The following LPCAT2 variants were observed in gnomAD, a reference collection of about 807,000 sequenced individuals.
LPCAT2 encodes the protein 1-AGP acyltransferase 11.
Under a neutral mutation model 64.7 loss-of-function variants are expected in LPCAT2, and 58 were observed. The observed-to-expected ratio is 0.90, with a 90% confidence interval of 0.73 to 1.12. LPCAT2 has a LOEUF of 1.12. LPCAT2 is among the 50% of genes most tolerant of loss of function. The pLI, the probability that LPCAT2 is intolerant of heterozygous loss-of-function variation, is 0.00. For synonymous variants in LPCAT2, 252 were observed against 245.3 expected, an observed-to-expected ratio of 1.03 and a Z score of -0.26; for missense variants, 579 against 669.8, an observed-to-expected ratio of 0.86 and a Z score of 1.50.
At chr16:55,551,687 T>C (rs1963519921) in intron 11 of LPCAT2, among the ~76,000 whole-genome samples, 1 of 152,214 alleles carries the variant, frequency 6.6e-6, no homozygotes, top group South Asian at 2.1e-4. Flanking sequence ...TTTAAGGACA[T>C]GCAATTAGAT....
Position 55,574,659 on chromosome 16 carries a change from A to ATCAT in LPCAT2, c.1244_1245insTCAT (p.Glu415AspfsTer25). On this transcript the variant is annotated frameshift_variant, in exon 12 of 14. Coordinates refer to ENST00000262134, the MANE Select transcript of LPCAT2 (RefSeq NM_017839.5). LOFTEE classifies it high-confidence loss of function. The stretch of plus-strand genomic sequence containing the variant: ...CATGATGGCAGCATTGACTTCCGAG[A>ATCAT]GTATGTGATTGGCCTGGCTGTCTTG... 11 of 1,613,534 alleles carry ATCAT rather than the reference A, an allele frequency of 6.8e-6. No homozygotes were observed. Among genetic ancestry groups the ATCAT allele is most frequent in the Non-Finnish European group, 9.3e-6 (11 of 1,179,628 alleles).
rs1465484933 is a variant in LPCAT2 at position 55,532,643 on chromosome 16, A to AT, written c.704-179dup. Reference sequence around the variant, plus strand: ...TAATATTTTGCTTCAGTAGTTCTTAATTAAAAAAAAAAAATCCCTCATTTT... The same window carrying AT: ...TAATATTTTGCTTCAGTAGTTCTTAATTTAAAAAAAAAAAATCCCTCATTTT... On this transcript the variant is annotated intron_variant, in intron 5 of 13. Transcript: ENST00000262134. 1.4e-4 allele frequency: 37 copies of AT among 265,540 alleles called. No homozygotes were observed. In the Admixed American group the frequency reaches 1.8e-3, roughly 13 times the overall value. The allele number at this position is 265,540 out of a possible 1,614,324, so 16.4% of individuals were successfully genotyped here.
intron 2 of LPCAT2, among the ~76,000 whole-genome samples, chr16:55,526,793 C>A (rs1963176675): frequency 6.6e-6 from 1 of 152,052 alleles, no homozygotes; most frequent in African/African-American, 2.4e-5. Flanking sequence ...ATAATCCAGA[C>A]AATAGATATA....
chr16:55,514,958 C>T (rs1962989210), intron 1 of LPCAT2, among the ~76,000 whole-genome samples: 1 of 148,710 alleles, frequency 6.7e-6, no homozygotes, highest in Non-Finnish European at 1.5e-5. Flanking sequence ...CAACAGCAGA[C>T]TATCAAACAA....
intron 4 of LPCAT2, 37 bp downstream of exon 4, chr16:55,529,984 A>G (rs1963231048): frequency 6.8e-7 from 1 of 1,467,174 alleles, no homozygotes; most frequent in East Asian, 2.3e-5. Flanking sequence ...ATATAGTGGG[A>G]GTTTATTAAT....
Position 55,525,562 on chromosome 16 carries a change from A to G in LPCAT2, c.226A>G (p.Ile76Val). 6 of 1,611,734 alleles carry G rather than the reference A, an allele frequency of 3.7e-6. No homozygotes were observed. The highest frequency in any genetic ancestry group is 4.2e-6 in the Non-Finnish European group (5 of 1,178,766). ...AATTCGTGTCTTATTGGTTGCGTTA[A>G]TTTTATTACTTGCATGGCCATTTGC... ...LPIRVLLVALILLLAWPFAAI... is the reference protein window; with the variant it reads ...LPIRVLLVALVLLLAWPFAAI... Residue 76 changes from isoleucine to valine, a missense_variant, in exon 2 of 14, where the codon ATT (isoleucine) becomes GTT (valine). Coordinates refer to ENST00000262134, the MANE Select transcript of LPCAT2 (RefSeq NM_017839.5).
At chr16:55,566,625 C>A in intron 11 of LPCAT2, 1 of 922,526 alleles carries the variant, frequency 1.1e-6, no homozygotes, top group Non-Finnish European at 1.6e-6. Flanking sequence ...AACATCACAT[C>A]ATGGGGCGTG....
At chr16:55,520,790 C>T (rs9921594) in intron 1 of LPCAT2, among the ~76,000 whole-genome samples, 53,700 of 151,686 alleles carry the variant, frequency 0.35, 11,374 homozygotes, top group Non-Finnish European at 0.47. Flanking sequence ...AGTGAAATTA[C>T]AAAATGTTTT....
chr16:55,559,052 A>G (rs746532047), intron 11 of LPCAT2, among the ~76,000 whole-genome samples: 3 of 152,196 alleles, frequency 2.0e-5, no homozygotes, highest in African/African-American at 7.2e-5. Flanking sequence ...TGTATCATTC[A>G]TCTTCACAGA....
intron 9 of LPCAT2, among the ~76,000 whole-genome samples, chr16:55,546,675 A>AT (rs1477648713): frequency 6.6e-6 from 1 of 152,152 alleles, no homozygotes; most frequent in Non-Finnish European, 1.5e-5. Flanking sequence ...CAGAATAACT[A>AT]TTTTCAAAAT....
At chr16:55,539,667 G>C (rs1963372402) in intron 8 of LPCAT2, 1 of 152,104 alleles carries the variant, frequency 6.6e-6, no homozygotes, top group Non-Finnish European at 1.5e-5. Context: ...CTCTGTAAGA[G>C]CTGGGCCATC....
chr16:55,545,699 A>G, intron 8 of LPCAT2, 36 bp from the exon 9 acceptor site: 1 of 1,337,274 alleles, frequency 7.5e-7, no homozygotes, highest in Non-Finnish European at 1.1e-6. Context: ...TCTTAGGCTT[A>G]AGACATTGTT....
At chr16:55,540,371 T>G (rs1410358507) in intron 8 of LPCAT2, 1 of 152,174 alleles carries the variant, frequency 6.6e-6, no homozygotes, top group African/African-American at 2.4e-5. Context: ...TTAAAGTATC[T>G]TTTAGTCATA....
chr16:55,521,667 A>G (rs1963097964), intron 1 of LPCAT2, among the ~76,000 whole-genome samples: 1 of 151,794 alleles, frequency 6.6e-6, no homozygotes, highest in Non-Finnish European at 1.5e-5. Context: ...CAGGAATATA[A>G]GGTTGATTTA....
chr16:55,531,407 T>C (rs1235077594), intron 4 of LPCAT2, among the ~76,000 whole-genome samples: 1 of 152,174 alleles, frequency 6.6e-6, no homozygotes, highest in African/African-American at 2.4e-5. Flanking sequence ...AAAAAAGATA[T>C]TAAGTTGTAT....
rs1160898972 is a variant in LPCAT2, at chr16:55,567,624, C to G, written c.1216-7007C>G. 54 of 978,446 alleles carry G rather than the reference C, an allele frequency of 5.5e-5. No homozygotes were observed. In the Admixed American group the frequency reaches 1.3e-3, roughly 24 times the overall value. The allele number at this position is 978,446 out of a possible 1,614,324, so 60.6% of individuals were successfully genotyped here. A position where few individuals can be genotyped will look rare whatever the true frequency, so the allele number is the denominator to read the frequency against. ...ATTTCCTGGCAAGCTCTTTCACAAC[C>G]CTACATATTTCTGATCATGTGCTGC... On this transcript the variant is annotated intron_variant, in intron 11 of 13. Coordinates refer to ENST00000262134, the MANE Select transcript of LPCAT2 (RefSeq NM_017839.5).
intron 11 of LPCAT2, among the ~76,000 whole-genome samples, chr16:55,556,230 C>T (rs194169): frequency 0.8 from 121,436 of 152,100 alleles, 51,564 homozygotes; most frequent in Non-Finnish European, 0.94. Flanking sequence ...GTTTTAGAAA[C>T]CATGCAAGTA....
intron 11 of LPCAT2, among the ~76,000 whole-genome samples, chr16:55,553,608 C>T (rs1263849992): frequency 6.6e-6 from 1 of 152,160 alleles, no homozygotes; most frequent in African/African-American, 2.4e-5. Flanking sequence ...CAAAGTCATC[C>T]ATAAGTGTTG....
At chr16:55,516,515 T>A (rs1963013828) in intron 1 of LPCAT2, among the ~76,000 whole-genome samples, 1 of 152,152 alleles carries the variant, frequency 6.6e-6, no homozygotes, top group South Asian at 2.1e-4. Flanking sequence ...TGTATTACTA[T>A]CAGATAAAAT....
Sources: gnomAD v4.1 joint callset for allele counts (sites outside exome capture counted in the v4.1 genomes callset) on GRCh38, gnomAD v4.1.1 for gene constraint, MANE v1.5 for transcripts, NCBI Gene and HGNC (gene_info 2026-07-23, HGNC 2026-07-21) for gene names.